NUDT19: variants seen among roughly 807,000 people sequenced by gnomAD.
NUDT19 encodes the protein nudix hydrolase 19, also known as acyl-coenzyme A diphosphatase NUDT19.
In NUDT19, 31 loss-of-function variants were observed where a neutral mutation model predicts 22.2. The ratio of observed to expected loss-of-function variants is 1.40; its 90% CI spans 1.05 to 1.89. NUDT19 has a LOEUF of 1.89. Ranked by LOEUF, NUDT19 falls within the 40% of genes most tolerant of loss-of-function variation. The probability of loss-of-function intolerance (pLI) is 0.00; values close to 1 mark genes in which losing one functional copy is unlikely to be tolerated. For missense variants in NUDT19, 752 were observed against 514.2 expected, an observed-to-expected ratio of 1.46 and a Z score of -4.47; for synonymous variants, 325 against 230.8, an observed-to-expected ratio of 1.41 and a Z score of -3.70.
At chr19:32,710,611 A>G (rs954766423) in intron 2 of NUDT19, among the ~76,000 whole-genome samples, 8 of 151,260 alleles carry the variant, frequency 5.3e-5, no homozygotes, top group Non-Finnish European at 8.8e-5. Context: ...ACAAAACAAA[A>G]GGCTGGGCGC....
intron 1 of NUDT19, among the ~76,000 whole-genome samples, chr19:32,694,543 A>G (rs1055353624): frequency 6.6e-6 from 1 of 152,204 alleles, no homozygotes; most frequent in African/African-American, 2.4e-5. Context: ...AGCAGTGGCC[A>G]TTTCTAGCCC....
chr19:32,692,808 G>C (rs750556349), intron 1 of NUDT19, 134 bp downstream of exon 1: 16 of 620,100 alleles, frequency 2.6e-5, no homozygotes, highest in Non-Finnish European at 2.8e-5. Flanking sequence ...ACGCTTAGAC[G>C]GGCTGGAAAC....
At chr19:32,707,605 G>A (rs1464480425) in intron 1 of NUDT19, among the ~76,000 whole-genome samples, 2 of 152,160 alleles carry the variant, frequency 1.3e-5, no homozygotes, top group East Asian at 1.9e-4. Context: ...AGCACTTTGG[G>A]AGGCCGAGGT....
At chr19:32,701,368 G>A (rs955954827) in intron 1 of NUDT19, among the ~76,000 whole-genome samples, 5 of 151,996 alleles carry the variant, frequency 3.3e-5, no homozygotes, top group Non-Finnish European at 7.4e-5. Context: ...ACCATGCCTA[G>A]CTAATTTTTG....
At chr19:32,702,962 A>G (rs1968351002) in intron 1 of NUDT19, among the ~76,000 whole-genome samples, 1 of 152,046 alleles carries the variant, frequency 6.6e-6, no homozygotes. Flanking sequence ...GACTTTTATT[A>G]TAAACTCTAC....
Position 32,692,370 on chromosome 19 carries a change from G to C in NUDT19, c.410G>C (p.Gly137Ala). ...CAVREAFEEA[G>A]VLLLRPRTSP... ...GTGCGGGAGGCCTTTGAGGAGGCGG[G>C]CGTGCTGCTGCTGCGGCCCAGGACT... The change falls in exon 1 of 3, where the codon GGC becomes GCC. Residue 137 changes from glycine to alanine, a missense_variant. Physicochemically the swap from Gly to Ala is moderately conservative, Grantham distance 60. Transcript: ENST00000397061. 6.3e-7 allele frequency: 1 copy of C among 1,588,880 alleles called. No individual in the cohort carries two copies. Among genetic ancestry groups the C allele is most frequent in the South Asian group, 1.1e-5 (1 of 90,016 alleles).
chr19:32,698,443 C>G (rs1466815226), intron 1 of NUDT19, among the ~76,000 whole-genome samples: 2 of 152,144 alleles, frequency 1.3e-5, no homozygotes, highest in Admixed American at 6.5e-5. Context: ...TTGTTTCTCC[C>G]CCTGCCCAAG....
At chr19:32,694,620 G>A (rs1968242474) in intron 1 of NUDT19, among the ~76,000 whole-genome samples, 2 of 152,200 alleles carry the variant, frequency 1.3e-5, no homozygotes, top group East Asian at 3.9e-4. Context: ...GCACTGATAG[G>A]GTCTGATGTC....
At chr19:32,703,631 G>T (rs1487741033) in intron 1 of NUDT19, among the ~76,000 whole-genome samples, 1 of 148,558 alleles carries the variant, frequency 6.7e-6, no homozygotes, top group African/African-American at 2.5e-5. Flanking sequence ...TCACAGGTGT[G>T]GGCCACTGTG....
intron 1 of NUDT19, among the ~76,000 whole-genome samples, chr19:32,703,749 G>A (rs556596450): frequency 1.6e-4 from 21 of 128,240 alleles, no homozygotes; most frequent in Admixed American, 9.0e-4. Flanking sequence ...TACAACCTCC[G>A]CCTCTCTGGT....
chr19:32,710,784 T>C lies in NUDT19; in HGVS notation c.923-968T>C, dbSNP rs181781002. Among the ~76,000 whole-genome samples, 5 of 151,996 alleles carry C rather than the reference T, an allele frequency of 3.3e-5. No homozygotes were observed. In the East Asian group the frequency reaches 7.7e-4, roughly 24 times the overall value. On this transcript the variant is annotated intron_variant, in intron 2 of 2. Transcript: ENST00000397061. ...GGCGCATGCCTATAATCCCAGCTACTTGGGAGGCTGAGGCAGGAGAATCAC... is the reference window on the plus strand; with the variant it reads ...GGCGCATGCCTATAATCCCAGCTACCTGGGAGGCTGAGGCAGGAGAATCAC...
intron 1 of NUDT19, among the ~76,000 whole-genome samples, chr19:32,707,133 T>A (rs573117306): frequency 6.6e-6 from 1 of 152,352 alleles, no homozygotes; most frequent in Admixed American, 6.5e-5. Context: ...CAGTAAGTGA[T>A]AAGGTATTGT....
chr19:32,699,661 C>T (rs982406680), intron 1 of NUDT19, among the ~76,000 whole-genome samples: 6 of 152,102 alleles, frequency 3.9e-5, no homozygotes, highest in African/African-American at 9.7e-5. Flanking sequence ...GAATAGCAAG[C>T]GAAAGGGGTC....
chr19:32,704,066 A>G (rs1478286997), intron 1 of NUDT19, among the ~76,000 whole-genome samples: 1 of 152,208 alleles, frequency 6.6e-6, no homozygotes, highest in Non-Finnish European at 1.5e-5. Context: ...CTTGTAGTAT[A>G]GATCCTGTGA....
chr19:32,701,940 T>G (rs1385224016), intron 1 of NUDT19, among the ~76,000 whole-genome samples: 1 of 152,126 alleles, frequency 6.6e-6, no homozygotes, highest in Admixed American at 6.6e-5. Flanking sequence ...TCACCTGAGT[T>G]CAGGAGTTTG....
chr19:32,711,730 A>G, intron 2 of NUDT19, 22 bp from the exon 3 acceptor site: 1 of 1,385,076 alleles, frequency 7.2e-7, no homozygotes, highest in South Asian at 1.2e-5. Flanking sequence ...TAAAAATAAA[A>G]TCAGATTTTT....
At position 32,692,252 on chromosome 19, in the gene NUDT19, C is replaced by T. The variant is rs1322385622; in HGVS notation, c.292C>T (p.Arg98Cys). The T allele has an allele frequency of 4.4e-6, 7 of 1,592,066 alleles. No individual in the cohort carries two copies. The African/African-American group carries it at 6.8e-5, about 15-fold the overall frequency. ...RFGLGPAPFS[R>C]TAFPSLPDTD... is the part of the protein sequence containing the mutation. ...CGGCCTGGGCCCGGCGCCATTCAGC[C>T]GCACCGCTTTCCCGTCGCTGCCCGA... Residue 98 changes from arginine to cysteine, a missense_variant, in exon 1 of 3, where the codon CGC (arginine) becomes TGC (cysteine). Coordinates refer to ENST00000397061, the MANE Select transcript of NUDT19 (RefSeq NM_001105570.2).
chr19:32,703,352 A>T (rs1426151931), intron 1 of NUDT19, among the ~76,000 whole-genome samples: 1 of 151,758 alleles, frequency 6.6e-6, no homozygotes, highest in African/African-American at 2.4e-5. Context: ...CTGCATATTT[A>T]CTATTTTTTT....
At chr19:32,698,488 AT>A (rs1452024497) in intron 1 of NUDT19, among the ~76,000 whole-genome samples, 1 of 152,106 alleles carries the variant, frequency 6.6e-6, no homozygotes, top group Non-Finnish European at 1.5e-5. Context: ...GCTGATCGGA[AT>A]AGTTGTGCTC....
Sources: allele counts gnomAD v4.1 joint callset (sites outside exome capture counted in the v4.1 genomes callset), GRCh38; gene constraint gnomAD v4.1.1; transcripts MANE v1.5; gene names NCBI Gene and HGNC (gene_info 2026-07-23, HGNC 2026-07-21).